Variants in PLCB4 observed in about 807,000 individuals in gnomAD.
PLCB4 encodes phospholipase C beta 4, also known as 1-phosphatidylinositol 4,5-bisphosphate phosphodiesterase beta-4.
Under a neutral mutation model 178.8 loss-of-function variants are expected in PLCB4, and 77 were observed. The observed-to-expected ratio is 0.43, with a 90% CI of 0.36 to 0.52. The LOEUF is 0.52. Among genes scored for constraint, PLCB4 ranks in the 20% least tolerant of loss-of-function variants. The pLI is 0.00. For missense variants in PLCB4, 1,024 were observed against 1,453.4 expected (o/e 0.70, Z 4.80); for synonymous variants, 496 against 490.8 (o/e 1.01, Z -0.14).
rs550451578 is a variant in PLCB4 at position 9,101,732 on chromosome 20, T to A, written c.-79+5390T>A. 1.8e-4 allele frequency among the ~76,000 whole-genome samples: 27 copies of A among 152,342 alleles called. 1 individual carries two copies. The highest frequency in any genetic ancestry group is 5.0e-4 in the African/African-American group (21 of 41,594). On this transcript the variant is annotated intron_variant, in intron 2 of 39. Coordinates refer to ENST00000378473, the MANE Select transcript of PLCB4 (RefSeq NM_001377142.1). ...CATGGCTTATACAAGAGTATGATTA[T>A]GGCCTACATACATTTCCCTACATAT...
chr20:9,193,986 T>C (rs967327253), intron 2 of PLCB4, among the ~76,000 whole-genome samples: 1 of 152,166 alleles, frequency 6.6e-6, no homozygotes, highest in Admixed American at 6.5e-5. Flanking sequence ...TATAGTGTCT[T>C]TAAGCATGAA....
At chr20:9,107,011 AAT>A (rs1297309440) in intron 2 of PLCB4, among the ~76,000 whole-genome samples, 1 of 152,190 alleles carries the variant, frequency 6.6e-6, no homozygotes. Flanking sequence ...GAAAATTTCA[AAT>A]ATACACAAAA....
At chr20:9,102,208 A>G (rs2091184523) in intron 2 of PLCB4, among the ~76,000 whole-genome samples, 1 of 152,192 alleles carries the variant, frequency 6.6e-6, no homozygotes, top group Admixed American at 6.5e-5. Flanking sequence ...GCGGTAACTG[A>G]GAATGCAAGT....
chr20:9,145,497 A>G (rs2092581407), intron 2 of PLCB4, among the ~76,000 whole-genome samples: 1 of 151,176 alleles, frequency 6.6e-6, no homozygotes, highest in Non-Finnish European at 1.5e-5. Flanking sequence ...TGCTGATACA[A>G]TTATCAAAGT....
rs1303142559 is a variant in PLCB4, at chr20:9,453,426, A to G, written c.2960A>G (p.His987Arg). 6 of 1,611,416 alleles carry G rather than the reference A, an allele frequency of 3.7e-6. No individual in the cohort carries two copies. In the South Asian group the frequency reaches 6.6e-5, roughly 18 times the overall value. ...CAGTATGACAAAGAGAAGTCGACTCATGAGAAAATCCTAGAGAAGGCAATG... is the reference window on the plus strand; with the variant it reads ...CAGTATGACAAAGAGAAGTCGACTCGTGAGAAAATCCTAGAGAAGGCAATG... ...VAQYDKEKST[H>R]EKILEKAMKK... Residue 987 changes from histidine (H) to arginine (R), a missense_variant, in exon 33 of 40, where the codon CAT becomes CGT. This residue lies in a region of PLCB4 where 264 missense variants were observed against 283.2 expected (regional missense o/e 0.93). Coordinates refer to ENST00000378473, the MANE Select transcript of PLCB4 (RefSeq NM_001377142.1).
At chr20:9,216,967 A>G (rs1354142435) in intron 2 of PLCB4, among the ~76,000 whole-genome samples, 1 of 152,084 alleles carries the variant, frequency 6.6e-6, no homozygotes, top group East Asian at 1.9e-4. Flanking sequence ...ATAAAAAAAG[A>G]CTCTCTTTGC....
intron 2 of PLCB4, among the ~76,000 whole-genome samples, chr20:9,145,668 C>A (rs917580702): frequency 6.6e-6 from 1 of 152,060 alleles, no homozygotes; most frequent in African/African-American, 2.4e-5. Flanking sequence ...TTCCATCTAT[C>A]CATTTATCTT....
At chr20:9,249,094 TC>T (rs1477818222) in intron 3 of PLCB4, among the ~76,000 whole-genome samples, 1 of 152,182 alleles carries the variant, frequency 6.6e-6, no homozygotes. Flanking sequence ...ACTCTTCCTT[TC>T]CCCCTGTTTA....
intron 2 of PLCB4, among the ~76,000 whole-genome samples, chr20:9,180,544 G>A (rs1353179440): frequency 6.6e-6 from 1 of 152,160 alleles, no homozygotes; most frequent in Non-Finnish European, 1.5e-5. Flanking sequence ...CATGGCTGGT[G>A]TTACAACCCT....
chr20:9,390,409 A>T (rs1334805051), intron 16 of PLCB4, 122 bp from the exon 17 acceptor site: 2 of 550,874 alleles, frequency 3.6e-6, no homozygotes, highest in East Asian at 3.0e-5. Context: ...TCACATTAGC[A>T]TTAAGAGGAC....
chr20:9,480,577 T>A lies in PLCB4; in HGVS notation c.*1568T>A, dbSNP rs1422327641. 1 of 152,238 alleles carries A rather than the reference T, an allele frequency of 6.6e-6. No individual in the cohort carries two copies. The highest frequency in any genetic ancestry group is 1.5e-5 in the Non-Finnish European group (1 of 68,022). 9.4% of individuals were successfully genotyped at this position (152,238 alleles called of 1,614,324 possible). The stretch of plus-strand genomic sequence containing the variant: ...GTTATTTTCAAAGGGGGCTTATTAA[T>A]ACCCTCAGCATGTTTTTCACCCAAA... On this transcript the variant is annotated 3_prime_UTR_variant, in exon 40 of 40. Coordinates refer to ENST00000378473, the MANE Select transcript of PLCB4 (RefSeq NM_001377142.1).
intron 2 of PLCB4, among the ~76,000 whole-genome samples, chr20:9,216,076 C>T (rs1051383989): frequency 9.2e-5 from 14 of 152,156 alleles, no homozygotes; most frequent in African/African-American, 3.4e-4. Flanking sequence ...TAGATCGTGA[C>T]CTTCACAAAT....
chr20:9,408,784 G>A (rs2039648219), intron 23 of PLCB4, 67 bp downstream of exon 23: 2 of 818,848 alleles, frequency 2.4e-6, no homozygotes, highest in Non-Finnish European at 4.3e-6. Flanking sequence ...CTCTGAAATA[G>A]ATAAATGGCT....
intron 3 of PLCB4, among the ~76,000 whole-genome samples, chr20:9,228,732 A>G (rs190551843): frequency 1.3e-4 from 20 of 152,318 alleles, no homozygotes; most frequent in Admixed American, 7.2e-4. Context: ...ACTGAGTGAA[A>G]CACTTCAGTA....
At chr20:9,477,189 T>A (rs769246672) in intron 39 of PLCB4, among the ~76,000 whole-genome samples, 3 of 152,284 alleles carry the variant, frequency 2.0e-5, no homozygotes, top group South Asian at 4.2e-4. Context: ...TGTAGAAACC[T>A]TACACGATGA....
At chr20:9,394,102 G>A (rs1484611032) in intron 18 of PLCB4, among the ~76,000 whole-genome samples, 1 of 152,094 alleles carries the variant, frequency 6.6e-6, no homozygotes, top group East Asian at 1.9e-4. Flanking sequence ...TATGTGAATA[G>A]AGAGATCTAG....
chr20:9,457,692 C>T (rs2043142412), intron 34 of PLCB4, among the ~76,000 whole-genome samples: 1 of 152,158 alleles, frequency 6.6e-6, no homozygotes, highest in Admixed American at 6.5e-5. Context: ...CATGGAACAT[C>T]TTCTTTTGTC....
chr20:9,267,630 C>A (rs2094362145), intron 3 of PLCB4, among the ~76,000 whole-genome samples: 1 of 151,910 alleles, frequency 6.6e-6, no homozygotes, highest in African/African-American at 2.4e-5. Flanking sequence ...AGCTGAAGAA[C>A]CTGTGCTTAG....
In PLCB4 at chr20:9,149,655, G is replaced by A. The variant is rs1483769578; in HGVS notation, c.-79+53313G>A. The stretch of plus-strand genomic sequence containing the variant: ...GCTCTGGTGTTAGAATGTTTGCATC[G>A]TAGTCCTGGCTATGCTACTCATTGG... On this transcript the variant is annotated intron_variant, in intron 2 of 39. Coordinates refer to ENST00000378473, the MANE Select transcript of PLCB4 (RefSeq NM_001377142.1). Among the ~76,000 whole-genome samples, 6 of 151,510 alleles carry A rather than the reference G, an allele frequency of 4.0e-5. 1 individual carries two copies. Among genetic ancestry groups the A allele is most frequent in the East Asian group, 1.9e-4 (1 of 5,184 alleles).
Sources: gnomAD v4.1 joint callset for allele counts (sites outside exome capture counted in the v4.1 genomes callset) on GRCh38, gnomAD v4.1.1 for gene constraint, gnomAD v4.1.1 regional missense constraint, MANE v1.5 for transcripts, NCBI Gene and HGNC (gene_info 2026-07-23, HGNC 2026-07-21) for gene names.